The following ATP1A1 variants were observed in gnomAD, a reference collection of about 807,000 sequenced individuals.
The protein encoded by ATP1A1 is ATPase Na+/K+ transporting subunit alpha 1.
A neutral mutation model predicts 114.8 loss-of-function variants in ATP1A1; 14 were observed. The observed-to-expected ratio is 0.12, with a 90% CI of 0.08 to 0.19. The LOEUF is 0.19. Ranked by LOEUF, ATP1A1 falls within the 10% of genes least tolerant of loss-of-function variation. ATP1A1 has a pLI of 1.00. For synonymous variants in ATP1A1, 471 were observed against 466.3 expected (o/e 1.01, Z -0.13); for missense variants, 524 against 1,290.7 (o/e 0.41, Z 9.10).
In ATP1A1 at chr1:116,393,147, A is replaced by AT; in HGVS notation, c.1467+160dup. 5 of 1,071,114 alleles carry AT rather than the reference A, an allele frequency of 4.7e-6. No individual in the cohort carries two copies. The highest frequency in any genetic ancestry group is 6.6e-6 in the Non-Finnish European group (5 of 761,904). The allele number at this position is 1,071,114 out of a possible 1,614,324, so 66.4% of individuals were successfully genotyped here. A position where few individuals can be genotyped will look rare whatever the true frequency, so the allele number is the denominator to read the frequency against. ...CCATAGAATGCCATAATTTAGTTGA[A>AT]TATCAGCAGGATAAATGAAGCCTCT... On this transcript the variant is annotated intron_variant, in intron 11 of 22. Coordinates refer to ENST00000295598, the MANE Select transcript of ATP1A1 (RefSeq NM_000701.8). The surrounding 1 kb of genome is among the most constrained non-coding windows in gnomAD (Gnocchi z 5.0).
At chr1:116,390,160 T>C in intron 8 of ATP1A1, 53 bp from the exon 9 acceptor site, 1 of 1,544,988 alleles carries the variant, frequency 6.5e-7, no homozygotes, top group South Asian at 1.1e-5. Context: ...CAAGAATCTG[T>C]ATAGAATTCC....
chr1:116,401,258 G>A lies in ATP1A1; in HGVS notation c.2847G>A (p.Met949Ile), dbSNP rs1368453220. ...TRRNSVFQQG[M>I]KNKILIFGLF... ...GGAATTCGGTCTTCCAGCAGGGGAT[G>A]AAGTAAGTAATGAAGGACATGTCAA... Residue 949 changes from methionine to isoleucine, a missense_variant and splice_region_variant, in exon 20 of 23, where the codon ATG becomes ATA. Physicochemically the swap from Met to Ile is conservative, Grantham distance 10. Coordinates refer to ENST00000295598, the MANE Select transcript of ATP1A1 (RefSeq NM_000701.8). This position sits in a 1 kb window ranked among gnomAD's most constrained non-coding sequence, Gnocchi z 4.7. 6.2e-7 allele frequency: 1 copy of A among 1,614,224 alleles called. No individual in the cohort carries two copies. The highest frequency in any genetic ancestry group is 1.1e-5 in the South Asian group (1 of 91,080).
Position 116,392,755 on chromosome 1 carries a change from A to T in ATP1A1, c.1333-99A>T, listed in dbSNP as rs1486762125. Reference sequence around the variant, plus strand: ...TCTTGCCCATCCTCTGCTACCTCTGACAAGATTGGAATGTGTCTTGAGTTA... The same window carrying T: ...TCTTGCCCATCCTCTGCTACCTCTGTCAAGATTGGAATGTGTCTTGAGTTA... On this transcript the variant is annotated intron_variant, in intron 10 of 22. Coordinates refer to ENST00000295598, the MANE Select transcript of ATP1A1 (RefSeq NM_000701.8). 3.5e-6 allele frequency: 5 copies of T among 1,431,778 alleles called. No individual in the cohort carries two copies. In the East Asian group the frequency reaches 9.4e-5, roughly 27 times the overall value. 88.7% of individuals were successfully genotyped at this position (1,431,778 alleles called of 1,614,324 possible).
chr1:116,395,192 T>C lies in ATP1A1; in HGVS notation c.1743T>C (p.Asp581=). ...CTGACGATGTGAATTTCCCTATCGA[T>C]AATCTGTGCTTTGTTGGGCTCATCT... The part of the protein sequence containing the change: ...FDTDDVNFPI[D]NLCFVGLISM... The change falls in exon 13 of 23, where the codon GAT becomes GAC. Residue 581 remains aspartate, a synonymous_variant. Coordinates refer to ENST00000295598, the MANE Select transcript of ATP1A1 (RefSeq NM_000701.8). The surrounding 1 kb of genome is among the most constrained non-coding windows in gnomAD (Gnocchi z 6.4). 1 of 1,614,214 alleles carries C rather than the reference T, an allele frequency of 6.2e-7. No individual in the cohort carries two copies. Among genetic ancestry groups the C allele is most frequent in the South Asian group, 1.1e-5 (1 of 91,084 alleles).
rs1652857482 is a variant in ATP1A1 at position 116,395,747 on chromosome 1, G to T, written c.1836+462G>T. Among the ~76,000 whole-genome samples, 1 of 151,838 alleles carries T rather than the reference G, an allele frequency of 6.6e-6. No homozygotes were observed. Among genetic ancestry groups the T allele is most frequent in the Non-Finnish European group, 1.5e-5 (1 of 67,948 alleles). ...ATTTGGTTTCTGTTTTTTACTCTCA[G>T]GATTTTATTTTATTTATTTTTTGAG... On this transcript the variant is annotated intron_variant, in intron 13 of 22. Coordinates refer to ENST00000295598, the MANE Select transcript of ATP1A1 (RefSeq NM_000701.8). This position sits in a 1 kb window ranked among gnomAD's most constrained non-coding sequence, Gnocchi z 6.4.
At position 116,401,675 on chromosome 1, in the gene ATP1A1, G is replaced by A; in HGVS notation, c.2951+20G>A. The A allele has an allele frequency of 6.2e-7, 1 of 1,601,128 alleles. No individual in the cohort carries two copies. The highest frequency in any genetic ancestry group is 8.6e-7 in the Non-Finnish European group (1 of 1,169,244). The stretch of plus-strand genomic sequence containing the variant: ...CCTCAAGTAAGTTGATCCTCTGGTA[G>A]CTCCAAAAAGTATGAAATAGTATGT... On this transcript the variant is annotated intron_variant, in intron 21 of 22. Transcript: ENST00000295598. The surrounding 1 kb of genome is among the most constrained non-coding windows in gnomAD (Gnocchi z 4.7).
rs956749343 is a variant in ATP1A1, at chr1:116,385,680, C to A, written c.183+838C>A. On this transcript the variant is annotated intron_variant, in intron 3 of 22. Coordinates refer to ENST00000295598, the MANE Select transcript of ATP1A1 (RefSeq NM_000701.8). The surrounding 1 kb of genome is among the most constrained non-coding windows in gnomAD (Gnocchi z 4.3). Reference sequence around the variant, plus strand: ...ATCTCTCTCCTGCCCTCCTTTTCACCTGTCGCAAGGCAGGACTCTAATCTT... The same window carrying A: ...ATCTCTCTCCTGCCCTCCTTTTCACATGTCGCAAGGCAGGACTCTAATCTT... 6.6e-5 allele frequency: 10 copies of A among 152,198 alleles called. No homozygotes were observed. Among genetic ancestry groups the A allele is most frequent in the Non-Finnish European group, 7.3e-5 (5 of 68,036 alleles). 9.4% of individuals were successfully genotyped at this position (152,198 alleles called of 1,614,324 possible). A position where few individuals can be genotyped will look rare whatever the true frequency, so the allele number is the denominator to read the frequency against.
At position 116,399,701 on chromosome 1, in the gene ATP1A1, T is replaced by C. The variant is rs554348104; in HGVS notation, c.2572+158T>C. Among the ~76,000 whole-genome samples, 3 of 152,306 alleles carry C rather than the reference T, an allele frequency of 2.0e-5. No individual in the cohort carries two copies. In the East Asian group the frequency reaches 5.8e-4, roughly 29 times the overall value. On this transcript the variant is annotated intron_variant, in intron 18 of 22. Coordinates refer to ENST00000295598, the MANE Select transcript of ATP1A1 (RefSeq NM_000701.8). This position sits in a 1 kb window ranked among gnomAD's most constrained non-coding sequence, Gnocchi z 5.0. ...GTGAGCCTGTGGAGTTTCTCTGAAC[T>C]CTCTTCCATGTGAGAATACATCTGT... is the stretch of plus-strand genomic sequence containing the variant.
Position 116,398,154 on chromosome 1 carries a change from G to GT in ATP1A1, c.2124+117dup. The GT allele has an allele frequency of 2.9e-6, 4 of 1,383,418 alleles. No homozygotes were observed. 85.7% of individuals were successfully genotyped at this position (1,383,418 alleles called of 1,614,324 possible). On this transcript the variant is annotated intron_variant, in intron 15 of 22. Transcript: ENST00000295598. The surrounding 1 kb of genome is among the most constrained non-coding windows in gnomAD (Gnocchi z 6.1). ...TGCATACCTCGCTGTATTAGACTCA[G>GT]TATAAATAGGCCAGTAGGAAGCTCA...
chr1:116,399,661 A>G lies in ATP1A1; in HGVS notation c.2572+118A>G. ...AATCCAGGCGACTTTCAGGTCTAGG[A>G]TGAGCCCTAACGGAGTGAGCCTGTG... On this transcript the variant is annotated intron_variant, in intron 18 of 22. Coordinates refer to ENST00000295598, the MANE Select transcript of ATP1A1 (RefSeq NM_000701.8). The surrounding 1 kb of genome is among the most constrained non-coding windows in gnomAD (Gnocchi z 5.0). 7.1e-7 allele frequency: 1 copy of G among 1,411,754 alleles called. No homozygotes were observed. The highest frequency in any genetic ancestry group is 9.6e-7 in the Non-Finnish European group (1 of 1,037,636). The allele number at this position is 1,411,754 out of a possible 1,614,324, so 87.5% of individuals were successfully genotyped here.
At chr1:116,379,961 CA>C (rs1247774382) in intron 1 of ATP1A1, among the ~76,000 whole-genome samples, 2 of 152,344 alleles carry the variant, frequency 1.3e-5, no homozygotes, top group African/African-American at 4.8e-5. Context: ...ATCTTCTTGG[CA>C]ACTCCGAAAT....
At position 116,395,821 on chromosome 1, in the gene ATP1A1, G is replaced by A. The variant is rs949056217; in HGVS notation, c.1836+536G>A. ...GGCTGGAATGTCATAGCACGATCTC[G>A]GCTCACTGCAACCTCCGCCTCCCAG... On this transcript the variant is annotated intron_variant, in intron 13 of 22. Coordinates refer to ENST00000295598, the MANE Select transcript of ATP1A1 (RefSeq NM_000701.8). This position sits in a 1 kb window ranked among gnomAD's most constrained non-coding sequence, Gnocchi z 6.4. Among the ~76,000 whole-genome samples, 19 of 151,980 alleles carry A rather than the reference G, an allele frequency of 1.3e-4. No homozygotes were observed. The highest frequency in any genetic ancestry group is 2.8e-4 in the Non-Finnish European group (19 of 68,010).
At position 116,384,843 on chromosome 1, in the gene ATP1A1, G is replaced by C; in HGVS notation, c.183+1G>C. The C allele has an allele frequency of 6.2e-7, 1 of 1,613,480 alleles. No individual in the cohort carries two copies. The highest frequency in any genetic ancestry group is 8.5e-7 in the Non-Finnish European group (1 of 1,179,656). On this transcript the variant is annotated splice_donor_variant, in intron 3 of 22. Coordinates refer to ENST00000295598, the MANE Select transcript of ATP1A1 (RefSeq NM_000701.8). LOFTEE classifies it high-confidence loss of function. The surrounding 1 kb of genome is among the most constrained non-coding windows in gnomAD (Gnocchi z 5.1). ...TAAATATGGAACAGACTTGAGCCGG[G>C]TATGTTCTAGTTTGAAAGCTGTTGT...
rs1652859515 is a variant in ATP1A1, at chr1:116,395,759, ATTTAT to A, written c.1836+478_1836+482del. ...TTTTTTACTCTCAGGATTTTATTTT[ATTTAT>A]TTTTTGAGACAGAGTCTTGCTCTAT... On this transcript the variant is annotated intron_variant, in intron 13 of 22. Coordinates refer to ENST00000295598, the MANE Select transcript of ATP1A1 (RefSeq NM_000701.8). This position sits in a 1 kb window ranked among gnomAD's most constrained non-coding sequence, Gnocchi z 6.4. Among the ~76,000 whole-genome samples, 1 of 151,684 alleles carries A rather than the reference ATTTAT, an allele frequency of 6.6e-6. No homozygotes were observed. Among genetic ancestry groups the A allele is most frequent in the Non-Finnish European group, 1.5e-5 (1 of 67,904 alleles).
Position 116,399,349 on chromosome 1 carries a change from A to G in ATP1A1, c.2449-71A>G. The G allele has an allele frequency of 6.5e-7, 1 of 1,545,044 alleles. No individual in the cohort carries two copies. Among genetic ancestry groups the G allele is most frequent in the Non-Finnish European group, 8.7e-7 (1 of 1,145,648 alleles). ...TTTTAAATGGGAGGGCAAGAATTTTATAACAAAAGGTTCACAATATTAGCT... is the reference window on the plus strand; with the variant it reads ...TTTTAAATGGGAGGGCAAGAATTTTGTAACAAAAGGTTCACAATATTAGCT... On this transcript the variant is annotated intron_variant, in intron 17 of 22. Transcript: ENST00000295598. The surrounding 1 kb of genome is among the most constrained non-coding windows in gnomAD (Gnocchi z 5.0).
rs1261190970 is a variant in ATP1A1, at chr1:116,390,529, C to CTTT, written c.1222+122_1222+124dup. The CTTT allele has an allele frequency of 4.0e-3, 3,641 of 908,722 alleles. 65 individuals are homozygous for CTTT. The African/African-American group carries it at 0.065, about 16-fold the overall frequency. The allele number at this position is 908,722 out of a possible 1,614,324, so 56.3% of individuals were successfully genotyped here. Reference sequence around the variant, plus strand: ...TTAAGCTCATGGCAGCTTTTTCTTTCTTTTTTGTTTTTTTTTTTTTTATCA... The same window carrying CTTT: ...TTAAGCTCATGGCAGCTTTTTCTTTCTTTTTTTTTGTTTTTTTTTTTTTTATCA... On this transcript the variant is annotated intron_variant, in intron 9 of 22. Coordinates refer to ENST00000295598, the MANE Select transcript of ATP1A1 (RefSeq NM_000701.8).
Position 116,399,204 on chromosome 1 carries a change from G to A in ATP1A1, c.2448+120G>A, listed in dbSNP as rs1308063995. 4 of 1,465,920 alleles carry A rather than the reference G, an allele frequency of 2.7e-6. No homozygotes were observed. The African/African-American group carries it at 4.2e-5, about 15-fold the overall frequency. The allele number at this position is 1,465,920 out of a possible 1,614,324, so 90.8% of individuals were successfully genotyped here. ...TTGGGAAAAGAAATTCTCAGGACCA[G>A]TATCCAGTGTGTGTCCCAATCCCGG... On this transcript the variant is annotated intron_variant, in intron 17 of 22. Transcript: ENST00000295598. The surrounding 1 kb of genome is among the most constrained non-coding windows in gnomAD (Gnocchi z 5.0).
In ATP1A1 at chr1:116,393,508, T is replaced by G; in HGVS notation, c.1468-23T>G. ...GCCACACATCCAACCATCCAATGTT[T>G]ATGTCTCAACAATCCTTCACAGTTG... On this transcript the variant is annotated intron_variant, in intron 11 of 22. Coordinates refer to ENST00000295598, the MANE Select transcript of ATP1A1 (RefSeq NM_000701.8). The surrounding 1 kb of genome is among the most constrained non-coding windows in gnomAD (Gnocchi z 5.0). 6.3e-7 allele frequency: 1 copy of G among 1,598,282 alleles called. No homozygotes were observed. Among genetic ancestry groups the G allele is most frequent in the Non-Finnish European group, 8.6e-7 (1 of 1,169,480 alleles).
Position 116,385,224 on chromosome 1 carries a change from A to G in ATP1A1, c.183+382A>G, listed in dbSNP as rs1164722255. ...CCTAGTTGAATCTTCAACAATTCCC[A>G]TTTTTGCACTTTTCCCAGCTAGCCC... On this transcript the variant is annotated intron_variant, in intron 3 of 22. Coordinates refer to ENST00000295598, the MANE Select transcript of ATP1A1 (RefSeq NM_000701.8). The surrounding 1 kb of genome is among the most constrained non-coding windows in gnomAD (Gnocchi z 4.3). 4 of 234,498 alleles carry G rather than the reference A, an allele frequency of 1.7e-5. No homozygotes were observed. The highest frequency in any genetic ancestry group is 5.3e-5 in the South Asian group (1 of 18,936). 14.5% of individuals were successfully genotyped at this position (234,498 alleles called of 1,614,324 possible). A position where few individuals can be genotyped will look rare whatever the true frequency, so the allele number is the denominator to read the frequency against.
Sources: gnomAD v4.1 joint callset for allele counts (sites outside exome capture counted in the v4.1 genomes callset) on GRCh38, gnomAD v4.1.1 for gene constraint, Gnocchi (gnomAD v3.1) non-coding constraint, MANE v1.5 for transcripts, NCBI Gene and HGNC (gene_info 2026-07-23, HGNC 2026-07-21) for gene names.